SLCO4A1: variants seen among roughly 807,000 people sequenced by gnomAD.
The protein encoded by SLCO4A1 is colon organic anion transporter.
SLCO4A1 carries 51 observed loss-of-function variants against 64.6 expected under a neutral mutation model. That is an observed-to-expected ratio of 0.79 (90% CI 0.63 to 1.00). The LOEUF is 1.00. Among genes scored for constraint, SLCO4A1 ranks in the 50% least tolerant of loss-of-function variants. The probability of loss-of-function intolerance (pLI) is 0.00; values close to 1 mark genes in which losing one functional copy is unlikely to be tolerated. For missense variants in SLCO4A1, 919 were observed against 980.5 expected (o/e 0.94, Z 0.84); for synonymous variants, 471 against 444.9 (o/e 1.06, Z -0.74).
chr20:62,654,072 C>T (rs1008357152), intron 1 of SLCO4A1, among the ~76,000 whole-genome samples: 1 of 152,160 alleles, frequency 6.6e-6, no homozygotes, highest in East Asian at 1.9e-4. Flanking sequence ...CCACCAGCTC[C>T]GGAGGCCAGG....
chr20:62,653,753 G>A (rs1329086115), intron 1 of SLCO4A1, among the ~76,000 whole-genome samples: 1 of 152,214 alleles, frequency 6.6e-6, no homozygotes, highest in African/African-American at 2.4e-5. Flanking sequence ...GCTGCTGTAA[G>A]AAATGACCAC....
rs192212289 is a variant in SLCO4A1, at chr20:62,660,100, G to C, written c.888-312G>C. On this transcript the variant is annotated intron_variant, in intron 3 of 11. Coordinates refer to ENST00000217159, the MANE Select transcript of SLCO4A1 (RefSeq NM_016354.4). ...GCCTCCTCCCGCTGTTGCCTGGAGA[G>C]GCTGCTCCTCTTAGTGCCCAACCCC... 1.2e-3 allele frequency among the ~76,000 whole-genome samples: 184 copies of C among 152,338 alleles called. 3 individuals are homozygous for C. Among genetic ancestry groups the C allele is most frequent in the Non-Finnish European group, 3.1e-4 (21 of 68,030 alleles).
At position 62,656,880 on chromosome 20, in the gene SLCO4A1, CG is replaced by C; in HGVS notation, c.429del (p.Leu144SerfsTer138). On this transcript the variant is annotated frameshift_variant, in exon 2 of 12. Transcript: ENST00000217159. LOFTEE classifies it high-confidence loss of function. ...GCTATGACCTGCACAGCTACCAGAG[CG>C]GGCTCATCGCCAGCTCCTACGACAT... ...RRYDLHSYQSGLIASSYDIAA... is the reference protein window; with the variant it reads ...RRYDLHSYQSXLIASSYDIAA... 6.3e-7 allele frequency: 1 copy of C among 1,583,240 alleles called. No individual in the cohort carries two copies. Among genetic ancestry groups the C allele is most frequent in the Non-Finnish European group, 8.6e-7 (1 of 1,159,024 alleles).
downstream of SLCO4A1, among the ~76,000 whole-genome samples, chr20:62,690,115 G>A (rs1419313280): frequency 1.3e-5 from 2 of 152,168 alleles, no homozygotes; most frequent in African/African-American, 4.8e-5. Context: ...ATGGTGCCTC[G>A]GGTGCCCGCG....
chr20:62,642,870 G>C (rs780589918), intron 1 of SLCO4A1: 2 of 347,046 alleles, frequency 5.8e-6, no homozygotes, highest in Non-Finnish European at 1.2e-5. Context: ...GTGAGCAGGG[G>C]CTGCGGCCCT....
At chr20:62,667,582 C>G in intron 7 of SLCO4A1, 163 bp from the exon 8 acceptor site, 2 of 753,168 alleles carry the variant, frequency 2.7e-6, no homozygotes, top group Non-Finnish European at 4.3e-6. Flanking sequence ...AAGGCAGTGC[C>G]CAGTGTGAGT....
intron 5 of SLCO4A1, among the ~76,000 whole-genome samples, chr20:62,664,549 C>G (rs1985711298): frequency 6.6e-6 from 1 of 152,192 alleles, no homozygotes; most frequent in Admixed American, 6.5e-5. Context: ...GGTCTCTCCC[C>G]ACCTGAGCTG....
At chr20:62,666,230 A>G in intron 6 of SLCO4A1, 150 bp from the exon 7 acceptor site, 1 of 638,160 alleles carries the variant, frequency 1.6e-6, no homozygotes, top group African/African-American at 1.8e-5. Context: ...CTAAGCACTC[A>G]GGTGTGGTGT....
Position 62,650,413 on chromosome 20 carries a change from C to A in SLCO4A1, c.-96-5946C>A, listed in dbSNP as rs562341169. 2.0e-5 allele frequency: 3 copies of A among 152,380 alleles called. No homozygotes were observed. The East Asian group carries it at 5.8e-4, about 29-fold the overall frequency. 9.4% of individuals were successfully genotyped at this position (152,380 alleles called of 1,614,324 possible). A position where few individuals can be genotyped will look rare whatever the true frequency, so the allele number is the denominator to read the frequency against. On this transcript the variant is annotated intron_variant, in intron 1 of 11. Coordinates refer to ENST00000217159, the MANE Select transcript of SLCO4A1 (RefSeq NM_016354.4). ...GAGGCCCTTCCAGCCCCTGAAACTC[C>A]CCTGCCCCACCCCACACCAGCTTAT...
intron 5 of SLCO4A1, among the ~76,000 whole-genome samples, chr20:62,664,608 A>G (rs555234189): frequency 6.6e-6 from 1 of 152,270 alleles, no homozygotes; most frequent in East Asian, 1.9e-4. Context: ...CAGGGACTGC[A>G]GCTTTCAGGA....
At chr20:62,682,521 G>A (rs776320611) in intron 2 of SLCO4A1, among the ~76,000 whole-genome samples, 7 of 152,220 alleles carry the variant, frequency 4.6e-5, no homozygotes, top group Non-Finnish European at 8.8e-5. Context: ...AGACCACGGA[G>A]GGGACTGAGG....
intron 4 of SLCO4A1, 118 bp downstream of exon 4, chr20:62,660,651 C>T (rs1601643237): frequency 1.6e-6 from 2 of 1,217,888 alleles, no homozygotes; most frequent in East Asian, 2.3e-5. Flanking sequence ...GTCTGCGGCA[C>T]ACCCTCATTC....
chr20:62,679,729 G>C (rs947258629), intron 2 of SLCO4A1, among the ~76,000 whole-genome samples: 1 of 152,150 alleles, frequency 6.6e-6, no homozygotes, highest in Admixed American at 6.6e-5. Flanking sequence ...CAAAAACACT[G>C]TTTCTCATTC....
intron 1 of SLCO4A1, among the ~76,000 whole-genome samples, chr20:62,646,421 G>A (rs897952079): frequency 1.3e-5 from 2 of 152,262 alleles, no homozygotes; most frequent in South Asian, 4.1e-4. Flanking sequence ...TGAACACCAC[G>A]GGTCTGTAAA....
chr20:62,672,459 C>T (rs1017084220), downstream of SLCO4A1: 2 of 189,350 alleles, frequency 1.1e-5, no homozygotes, highest in African/African-American at 4.8e-5. Context: ...TCCACAGGCT[C>T]CCCTGCTGAG....
chr20:62,663,896 G>A (rs941647550), intron 5 of SLCO4A1, among the ~76,000 whole-genome samples: 1 of 152,218 alleles, frequency 6.6e-6, no homozygotes, highest in Non-Finnish European at 1.5e-5. Context: ...CATGCAACAC[G>A]TTTTCCATCT....
intron 1 of SLCO4A1, chr20:62,642,918 G>A: frequency 4.5e-6 from 2 of 448,824 alleles, no homozygotes; most frequent in Non-Finnish European, 9.2e-6. Flanking sequence ...AGGTGACCTG[G>A]GCAGGTGGCC....
downstream of SLCO4A1, among the ~76,000 whole-genome samples, chr20:62,687,963 G>A (rs535528341): frequency 5.4e-4 from 82 of 151,382 alleles, no homozygotes; most frequent in African/African-American, 1.9e-3. Context: ...AGCCACCCCC[G>A]GGCCTTACCC....
At chr20:62,676,148 C>T (rs558075256), downstream of SLCO4A1, among the ~76,000 whole-genome samples, 12 of 152,288 alleles carry the variant, frequency 7.9e-5, no homozygotes, top group African/African-American at 2.6e-4. Context: ...GGCTCGCCAG[C>T]GCACGCCTAT....
Sources: gnomAD v4.1 joint callset for allele counts (sites outside exome capture counted in the v4.1 genomes callset) on GRCh38, gnomAD v4.1.1 for gene constraint, MANE v1.5 for transcripts, NCBI Gene and HGNC (gene_info 2026-07-23, HGNC 2026-07-21) for gene names.